The following NCOA2 variants were observed in gnomAD, a reference collection of about 807,000 sequenced individuals.
The protein encoded by NCOA2 is nuclear receptor coactivator 2.
A neutral mutation model predicts 145.1 loss-of-function variants in NCOA2; 21 were observed. That is an observed-to-expected ratio of 0.14 (90% CI 0.10 to 0.21). The LOEUF (loss-of-function observed/expected upper bound fraction) is 0.21, where lower values mean the gene tolerates loss of function less well. NCOA2 is among the 10% of genes least tolerant of loss of function. NCOA2 has a pLI of 1.00. For synonymous variants in NCOA2, 619 were observed against 637.5 expected (o/e 0.97, Z 0.44); for missense variants, 1,472 against 1,837.6 (o/e 0.80, Z 3.64).
At chr8:70,234,470 T>A (rs1821424249) in intron 2 of NCOA2, among the ~76,000 whole-genome samples, 1 of 152,192 alleles carries the variant, frequency 6.6e-6, no homozygotes, top group South Asian at 2.1e-4. Flanking sequence ...CATTTTACAT[T>A]CCTACCAGTA....
chr8:70,371,036 C>T (rs1435297714), intron 1 of NCOA2, among the ~76,000 whole-genome samples: 3 of 152,096 alleles, frequency 2.0e-5, no homozygotes, highest in African/African-American at 7.2e-5. Context: ...GCCTGTAATC[C>T]CAGCACTTTG....
intron 2 of NCOA2, among the ~76,000 whole-genome samples, chr8:70,287,377 T>C (rs1245416796): frequency 2.6e-5 from 4 of 152,172 alleles, no homozygotes; most frequent in Non-Finnish European, 4.4e-5. Flanking sequence ...CAAAAGAATG[T>C]ACTCTTTTCT....
intron 21 of NCOA2, among the ~76,000 whole-genome samples, chr8:70,122,343 G>C (rs1324745554): frequency 6.6e-6 from 1 of 152,050 alleles, no homozygotes; most frequent in Non-Finnish European, 1.5e-5. Flanking sequence ...TCAAACTCTT[G>C]GGCTCAATAG....
chr8:70,439,079 T>C, the NCOA2 span, among the ~76,000 whole-genome samples: 1 of 152,234 alleles, frequency 6.6e-6, no homozygotes, highest in Non-Finnish European at 1.5e-5. Context: ...TTGCTGTGTA[T>C]AGGTCCTATA....
intron 1 of NCOA2, among the ~76,000 whole-genome samples, chr8:70,385,134 T>C (rs1436400579): frequency 3.3e-5 from 5 of 152,240 alleles, no homozygotes; most frequent in African/African-American, 1.2e-4. Context: ...GGTCTTGTCT[T>C]CAAGACTAAC....
chr8:70,266,714 C>CAAT (rs1824625745), intron 2 of NCOA2, among the ~76,000 whole-genome samples: 1 of 152,178 alleles, frequency 6.6e-6, no homozygotes, highest in African/African-American at 2.4e-5. Flanking sequence ...CCTCCCTAAC[C>CAAT]AATACACTCT....
At chr8:70,362,947 G>C (rs569406138) in intron 1 of NCOA2, among the ~76,000 whole-genome samples, 24 of 151,824 alleles carry the variant, frequency 1.6e-4, no homozygotes, top group Non-Finnish European at 3.2e-4. Context: ...GTGTAGTGAT[G>C]CATGCTTATA....
At chr8:70,420,221 T>C in the NCOA2 span, among the ~76,000 whole-genome samples, 1 of 152,240 alleles carries the variant, frequency 6.6e-6, no homozygotes, top group Non-Finnish European at 1.5e-5. Context: ...CAAATGATAC[T>C]AAATGAAATT....
chr8:70,401,116 C>G (rs890717326), intron 1 of NCOA2, among the ~76,000 whole-genome samples: 1 of 152,040 alleles, frequency 6.6e-6, no homozygotes, highest in Non-Finnish European at 1.5e-5. Flanking sequence ...CACACACACA[C>G]GCGCACACAC....
At chr8:70,441,756 GAA>G in the NCOA2 span, among the ~76,000 whole-genome samples, 1 of 144,776 alleles carries the variant, frequency 6.9e-6, no homozygotes, top group Non-Finnish European at 1.5e-5. Flanking sequence ...AAGAGAGAAA[GAA>G]AGAGAGAGAA....
the NCOA2 span, among the ~76,000 whole-genome samples, chr8:70,442,521 G>GA: frequency 2.0e-4 from 31 of 152,230 alleles, no homozygotes; most frequent in Admixed American, 1.6e-3. Context: ...TAATTAGCTT[G>GA]AAAAAACCTT....
chr8:70,156,349 C>A lies in NCOA2; in HGVS notation c.2016G>T (p.Leu672Phe), dbSNP rs1812288354. 6 of 1,613,930 alleles carry A rather than the reference C, an allele frequency of 3.7e-6. No individual in the cohort carries two copies. Among genetic ancestry groups the A allele is most frequent in the Admixed American group, 1.7e-5 (1 of 60,020 alleles). Residue 672 changes from leucine (L) to phenylalanine (F), a missense_variant, in exon 11 of 23, where the codon TTG (leucine) becomes TTT (phenylalanine). Leu to Phe is a conservative substitution (Grantham distance 22, BLOSUM62 0). Coordinates refer to ENST00000452400, the MANE Select transcript of NCOA2 (RefSeq NM_006540.4). ...SDTNKDSTGSLPGSGSTHGTS... is the reference protein window; with the variant it reads ...SDTNKDSTGSFPGSGSTHGTS... ...TTCCATGTGTAGACCCAGAACCAGG[C>A]AAGCTACCTGTGGAGTCTTTGTTTG...
At chr8:70,251,109 T>C (rs910449264) in intron 2 of NCOA2, among the ~76,000 whole-genome samples, 25 of 152,124 alleles carry the variant, frequency 1.6e-4, no homozygotes, top group African/African-American at 5.8e-4. Context: ...CATCTTTGAA[T>C]CTCCTGCTTG....
At chr8:70,126,785 A>G (rs1808465841) in intron 19 of NCOA2, 28 bp downstream of exon 19, 2 of 1,583,322 alleles carry the variant, frequency 1.3e-6, no homozygotes, top group Admixed American at 3.3e-5. Flanking sequence ...AGGACTGGTG[A>G]AAGGTGGTGG....
At chr8:70,369,021 G>A (rs1301057521) in intron 1 of NCOA2, among the ~76,000 whole-genome samples, 1 of 152,018 alleles carries the variant, frequency 6.6e-6, no homozygotes, top group Non-Finnish European at 1.5e-5. Context: ...GAAAAAAAAG[G>A]GATAATTCCA....
chr8:70,173,390 C>T (rs550724482), intron 5 of NCOA2, among the ~76,000 whole-genome samples: 30 of 151,974 alleles, frequency 2.0e-4, no homozygotes, highest in Non-Finnish European at 3.8e-4. Flanking sequence ...ATTTAGTTAA[C>T]ATAATTTTCA....
intron 1 of NCOA2, among the ~76,000 whole-genome samples, chr8:70,347,043 T>C (rs1361224457): frequency 6.6e-6 from 1 of 152,210 alleles, no homozygotes; most frequent in Non-Finnish European, 1.5e-5. Context: ...TTCAATCTCT[T>C]CTCTTTTAAT....
chr8:70,411,447 A>C, the NCOA2 span, among the ~76,000 whole-genome samples: 2 of 152,340 alleles, frequency 1.3e-5, no homozygotes, highest in African/African-American at 2.4e-5. Context: ...AGAAAAATTA[A>C]TTGTGTTACT....
chr8:70,350,848 T>C lies in NCOA2; in HGVS notation c.-77+52852A>G, dbSNP rs928946048. Reference sequence around the variant, plus strand: ...AAGTCCTCTACAAACGTTCTTATAATGGGACATCGTCTTAGTCCATTTTGT... The same window carrying C: ...AAGTCCTCTACAAACGTTCTTATAACGGGACATCGTCTTAGTCCATTTTGT... On this transcript the variant is annotated intron_variant, in intron 1 of 22. Transcript: ENST00000452400. Among the ~76,000 whole-genome samples the C allele has an allele frequency of 3.3e-5, 5 of 152,188 alleles. 1 individual carries two copies. Among genetic ancestry groups the C allele is most frequent in the Admixed American group, 2.6e-4 (4 of 15,264 alleles).
Sources: allele counts gnomAD v4.1 joint callset (sites outside exome capture counted in the v4.1 genomes callset), GRCh38; gene constraint gnomAD v4.1.1; transcripts MANE v1.5; gene names NCBI Gene and HGNC (gene_info 2026-07-23, HGNC 2026-07-21).